The following IL1RAPL2 variants were observed in gnomAD, a reference collection of about 807,000 sequenced individuals.
IL1RAPL2 encodes the protein X-linked interleukin-1 receptor accessory protein-like 2.
Under a neutral mutation model 44.1 loss-of-function variants are expected in IL1RAPL2, and 3 were observed. That is an observed-to-expected ratio of 0.07 (90% CI 0.03 to 0.18). IL1RAPL2 has a LOEUF of 0.18. Ranked by LOEUF, IL1RAPL2 falls within the 10% of genes least tolerant of loss-of-function variation. The pLI, the probability that IL1RAPL2 is intolerant of heterozygous loss-of-function variation, is 1.00. For synonymous variants in IL1RAPL2, 181 were observed against 178.8 expected, an observed-to-expected ratio of 1.01 and a Z score of -0.10; for missense variants, 391 against 496.4, an observed-to-expected ratio of 0.79 and a Z score of 2.02.
At chrX:104,796,390 C>T (rs777543505) in intron 2 of IL1RAPL2, among the ~76,000 whole-genome samples, 4 of 111,575 alleles carry the variant, frequency 3.6e-5, no homozygotes, top group East Asian at 2.8e-4. Context: ...GGATATGAGA[C>T]GCTATGAGGA....
At position 104,911,123 on chromosome X, in the gene IL1RAPL2, A is replaced by C. The variant is rs186079271; in HGVS notation, c.82+252128A>C. 4.3e-3 allele frequency among the ~76,000 whole-genome samples: 481 copies of C among 111,940 alleles called. 2 individuals are homozygous for C. Among genetic ancestry groups the C allele is most frequent in the African/African-American group, 0.015 (452 of 30,866 alleles). On this transcript the variant is annotated intron_variant, in intron 2 of 10. Transcript: ENST00000372582. Reference sequence around the variant, plus strand: ...AAACCTTCATAAACCAATAAGCTTAAGCATATTGAATTGGTAATAAAAATT... The same window carrying C: ...AAACCTTCATAAACCAATAAGCTTACGCATATTGAATTGGTAATAAAAATT...
At chrX:105,034,819 G>A (rs1295814833) in intron 2 of IL1RAPL2, among the ~76,000 whole-genome samples, 10 of 112,216 alleles carry the variant, frequency 8.9e-5, no homozygotes, top group African/African-American at 3.2e-4. Context: ...CTTTTTGTTT[G>A]TCTGTGCCCT....
At chrX:105,158,827 G>A (rs765629681) in intron 2 of IL1RAPL2, among the ~76,000 whole-genome samples, 26 of 111,561 alleles carry the variant, frequency 2.3e-4, no homozygotes, top group Non-Finnish European at 3.8e-4. Context: ...TGCAAACTGG[G>A]GCAAGTCAGT....
chrX:105,413,074 A>T (rs766352792), intron 5 of IL1RAPL2, among the ~76,000 whole-genome samples: 74 of 111,833 alleles, frequency 6.6e-4, no homozygotes, highest in Admixed American at 1.1e-3. Flanking sequence ...GTGTGGTAAG[A>T]TTCTGTATTA....
In IL1RAPL2 at chrX:105,378,382, T is replaced by C. The variant is rs753135519; in HGVS notation, c.698-105931T>C. ...CGCCTTTCAGCTTATATTTCTAAGCTAGCAATTTAAGGACTTATGAAAGAT... is the reference window on the plus strand; with the variant it reads ...CGCCTTTCAGCTTATATTTCTAAGCCAGCAATTTAAGGACTTATGAAAGAT... On this transcript the variant is annotated intron_variant, in intron 5 of 10. Transcript: ENST00000372582. Among the ~76,000 whole-genome samples the C allele has an allele frequency of 2.7e-5, 3 of 112,093 alleles. No homozygotes were observed. In the South Asian group the frequency reaches 1.1e-3, roughly 41 times the overall value.
chrX:105,223,074 T>C (rs1206968505), intron 3 of IL1RAPL2, among the ~76,000 whole-genome samples: 1 of 107,496 alleles, frequency 9.3e-6, no homozygotes, highest in African/African-American at 3.4e-5. Context: ...AGCTTGTACC[T>C]GGGAGGCAGA....
intron 1 of IL1RAPL2, among the ~76,000 whole-genome samples, chrX:104,611,064 C>T (rs1176507851): frequency 9.0e-6 from 1 of 111,524 alleles, no homozygotes; most frequent in Non-Finnish European, 1.9e-5. Context: ...CAGATGCCAG[C>T]CAGAGCTCTC....
chrX:104,582,858 TTC>T (rs1195776481), intron 1 of IL1RAPL2, among the ~76,000 whole-genome samples: 1 of 92,643 alleles, frequency 1.1e-5, no homozygotes, highest in Admixed American at 1.4e-4. Flanking sequence ...CTTTCTTTCT[TTC>T]TTTCTTTCTT....
intron 2 of IL1RAPL2, among the ~76,000 whole-genome samples, chrX:105,089,067 C>T (rs1224926107): frequency 9.0e-6 from 1 of 111,275 alleles, no homozygotes; most frequent in East Asian, 2.8e-4. Context: ...ACCATTCACT[C>T]TACAGTATGA....
chrX:105,260,606 C>A (rs1273359283), intron 4 of IL1RAPL2, among the ~76,000 whole-genome samples: 1 of 111,580 alleles, frequency 9.0e-6, no homozygotes, highest in Non-Finnish European at 1.9e-5. Context: ...TTGGAAAATA[C>A]CAGCAGGGGT....
chrX:105,426,240 C>T (rs2035809627), intron 5 of IL1RAPL2, among the ~76,000 whole-genome samples: 1 of 110,362 alleles, frequency 9.1e-6, no homozygotes, highest in African/African-American at 3.3e-5. Context: ...TAGGAGAGAT[C>T]CAAACCACTA....
At position 104,978,587 on chromosome X, in the gene IL1RAPL2, G is replaced by C. The variant is rs377156406; in HGVS notation, c.83-216888G>C. 3.4e-4 allele frequency among the ~76,000 whole-genome samples: 38 copies of C among 111,588 alleles called. No individual in the cohort carries two copies. The East Asian group carries it at 0.01, about 30-fold the overall frequency. On this transcript the variant is annotated intron_variant, in intron 2 of 10. Transcript: ENST00000372582. ...GATGTACCAGCTAATGCAATTAGAT[G>C]AAAGAAAGAAGATATGTAAAAACAA...
chrX:105,082,333 AT>A (rs2032421185), intron 2 of IL1RAPL2, among the ~76,000 whole-genome samples: 2 of 111,406 alleles, frequency 1.8e-5, no homozygotes, highest in Admixed American at 9.6e-5. Context: ...CCTCTTTATC[AT>A]TTTTTATTGC....
At chrX:104,870,496 C>T (rs1409158137) in intron 2 of IL1RAPL2, among the ~76,000 whole-genome samples, 1 of 112,280 alleles carries the variant, frequency 8.9e-6, no homozygotes, top group East Asian at 2.8e-4. Flanking sequence ...ATGAGGCAAC[C>T]AAGAATCAGA....
At chrX:105,304,059 T>C (rs1248294963) in intron 5 of IL1RAPL2, among the ~76,000 whole-genome samples, 1 of 112,941 alleles carries the variant, frequency 8.9e-6, no homozygotes, top group African/African-American at 3.2e-5. Flanking sequence ...CACTTGGGCT[T>C]TCCTCTGGGC....
At chrX:105,582,258 A>G (rs2037094374) in intron 6 of IL1RAPL2, among the ~76,000 whole-genome samples, 1 of 111,511 alleles carries the variant, frequency 9.0e-6, no homozygotes, top group Non-Finnish European at 1.9e-5. Flanking sequence ...ATAATATTTT[A>G]TGTCTTCCAA....
At chrX:104,631,173 C>CT (rs1371580807) in intron 1 of IL1RAPL2, among the ~76,000 whole-genome samples, 5 of 111,590 alleles carry the variant, frequency 4.5e-5, no homozygotes, top group Non-Finnish European at 7.5e-5. Flanking sequence ...TGAACTCATC[C>CT]TTTTTTATGG....
At chrX:105,557,830 T>C (rs900466181) in intron 6 of IL1RAPL2, among the ~76,000 whole-genome samples, 1 of 111,742 alleles carries the variant, frequency 8.9e-6, no homozygotes, top group Admixed American at 9.5e-5. Flanking sequence ...ATGTGTTATG[T>C]TTTCATAGGA....
chrX:104,834,289 G>T (rs762244996), intron 2 of IL1RAPL2, among the ~76,000 whole-genome samples: 1 of 112,047 alleles, frequency 8.9e-6, no homozygotes, highest in South Asian at 3.8e-4. Flanking sequence ...TGATTTGATT[G>T]AATGAGGACT....
Sources: gnomAD v4.1 joint callset for allele counts (sites outside exome capture counted in the v4.1 genomes callset) on GRCh38, gnomAD v4.1.1 for gene constraint, MANE v1.5 for transcripts, NCBI Gene and HGNC (gene_info 2026-07-23, HGNC 2026-07-21) for gene names.